Variants in CCDC192 observed in about 807,000 individuals in gnomAD.
CCDC192 encodes the protein coiled-coil domain-containing protein 192.
intron 2 of CCDC192, among the ~76,000 whole-genome samples, chr5:127,732,453 T>A (rs1486583739): frequency 6.6e-6 from 1 of 151,856 alleles, no homozygotes; most frequent in Non-Finnish European, 1.5e-5. Context: ...CAAAGACATG[T>A]AACAAGAAAT....
chr5:127,729,821 A>G (rs914887476), intron 2 of CCDC192, among the ~76,000 whole-genome samples: 4 of 152,196 alleles, frequency 2.6e-5, no homozygotes, highest in African/African-American at 7.2e-5. Flanking sequence ...TTTGAAACCA[A>G]TGATAACAAA....
intron 2 of CCDC192, among the ~76,000 whole-genome samples, chr5:127,719,739 G>C (rs1186927992): frequency 6.7e-6 from 1 of 149,078 alleles, no homozygotes; most frequent in East Asian, 2.0e-4. Flanking sequence ...TGGTTCTACA[G>C]AAAGCATGGC....
At chr5:127,724,740 C>A (rs551994358) in intron 2 of CCDC192, among the ~76,000 whole-genome samples, 5 of 151,004 alleles carry the variant, frequency 3.3e-5, no homozygotes, top group African/African-American at 1.2e-4. Context: ...TCCCAGCTAC[C>A]TGGGAGGCTG....
At chr5:127,779,364 C>A (rs954280485) in intron 3 of CCDC192, among the ~76,000 whole-genome samples, 1 of 151,606 alleles carries the variant, frequency 6.6e-6, no homozygotes, top group African/African-American at 2.4e-5. Flanking sequence ...GGTGTGATCT[C>A]GGCTCACTGC....
chr5:127,892,194 G>C (rs1752750515), intron 6 of CCDC192, among the ~76,000 whole-genome samples: 1 of 152,182 alleles, frequency 6.6e-6, no homozygotes, highest in African/African-American at 2.4e-5. Context: ...TAATCAAATT[G>C]TAAATTATCT....
intron 5 of CCDC192, among the ~76,000 whole-genome samples, chr5:127,824,955 G>C (rs1484486208): frequency 6.6e-6 from 1 of 152,160 alleles, no homozygotes. Flanking sequence ...AGAAGACTAG[G>C]TTGGTAGTTG....
chr5:127,831,279 A>C (rs1283163985), intron 5 of CCDC192, among the ~76,000 whole-genome samples: 1 of 151,814 alleles, frequency 6.6e-6, no homozygotes. Flanking sequence ...AGTAAAAATT[A>C]AACATTTAAA....
chr5:127,836,088 T>C (rs1489286260), intron 5 of CCDC192, among the ~76,000 whole-genome samples: 13 of 152,160 alleles, frequency 8.5e-5, no homozygotes. Context: ...ACTTCCAAGA[T>C]ACAATAGGGC....
intron 6 of CCDC192, among the ~76,000 whole-genome samples, chr5:127,906,981 A>G (rs919220570): frequency 6.6e-6 from 1 of 151,958 alleles, no homozygotes; most frequent in Non-Finnish European, 1.5e-5. Context: ...AATTTTCTCT[A>G]CATGTTTGCT....
At chr5:127,758,183 G>GC (rs1208604703) in intron 3 of CCDC192, among the ~76,000 whole-genome samples, 3 of 152,134 alleles carry the variant, frequency 2.0e-5, no homozygotes, top group African/African-American at 7.2e-5. Flanking sequence ...AAGTATAGGT[G>GC]CCTAGTGTTG....
At chr5:127,762,679 G>A (rs1308932559) in intron 3 of CCDC192, among the ~76,000 whole-genome samples, 2 of 152,120 alleles carry the variant, frequency 1.3e-5, no homozygotes, top group Non-Finnish European at 1.5e-5. Context: ...ATAGCTGACC[G>A]GTGCTAATAA....
chr5:127,917,892 C>A (rs1404748923), intron 6 of CCDC192, among the ~76,000 whole-genome samples: 1 of 152,126 alleles, frequency 6.6e-6, no homozygotes, highest in South Asian at 2.1e-4. Flanking sequence ...GTAATCCCAG[C>A]ACTTTGGGAG....
intron 3 of CCDC192, among the ~76,000 whole-genome samples, chr5:127,776,141 A>G (rs1755843835): frequency 6.6e-6 from 1 of 152,256 alleles, no homozygotes; most frequent in African/African-American, 2.4e-5. Flanking sequence ...TGAGAAGAAG[A>G]TAGGAAAATG....
chr5:127,895,008 TGAGTTCAGGGGTACATGTGTAG>T (rs1305805153), intron 6 of CCDC192, among the ~76,000 whole-genome samples: 1 of 152,210 alleles, frequency 6.6e-6, no homozygotes, highest in African/African-American at 2.4e-5. Context: ...ACTTTTATTT[TGAGTTCAGGGGTACATGTGTAG>T]GATGTGCAGT....
At chr5:127,735,947 C>G (rs1218820462) in intron 2 of CCDC192, among the ~76,000 whole-genome samples, 1 of 128,136 alleles carries the variant, frequency 7.8e-6, no homozygotes, top group African/African-American at 3.3e-5. Flanking sequence ...TTGCCCTGGC[C>G]AGAACTTCCA....
At chr5:127,733,751 A>C (rs1262817003) in intron 2 of CCDC192, among the ~76,000 whole-genome samples, 1 of 151,818 alleles carries the variant, frequency 6.6e-6, no homozygotes, top group African/African-American at 2.4e-5. Flanking sequence ...CTATCACTGT[A>C]GCCTCTGAAA....
intron 2 of CCDC192, among the ~76,000 whole-genome samples, chr5:127,726,497 A>G (rs900304172): frequency 6.6e-6 from 1 of 152,202 alleles, no homozygotes; most frequent in Non-Finnish European, 1.5e-5. Context: ...CAAAAGCCCC[A>G]AAGAACCTGT....
intron 2 of CCDC192, among the ~76,000 whole-genome samples, chr5:127,718,536 G>C (rs1751773279): frequency 6.6e-6 from 1 of 152,170 alleles, no homozygotes; most frequent in Non-Finnish European, 1.5e-5. Context: ...GGGTGTTGAG[G>C]AGTTTGTATG....
chr5:127,875,986 A>G (rs191000538), intron 6 of CCDC192, among the ~76,000 whole-genome samples: 2 of 151,864 alleles, frequency 1.3e-5, no homozygotes, highest in Admixed American at 6.6e-5. Context: ...AGGTGCCTGC[A>G]GGGACTGAGC....
Sources: gnomAD v4.1 joint callset for allele counts (sites outside exome capture counted in the v4.1 genomes callset) on GRCh38, gnomAD v4.1.1 for gene constraint, MANE v1.5 for transcripts, NCBI Gene and HGNC (gene_info 2026-07-23, HGNC 2026-07-21) for gene names.